Variants in TBCCD1 observed in about 807,000 individuals in gnomAD.
TBCCD1 encodes TBCC domain containing 1, also known as TBCC domain-containing protein 1.
In TBCCD1, 26 loss-of-function variants were observed where a neutral mutation model predicts 53.4. The ratio of observed to expected loss-of-function variants is 0.49; its 90% confidence interval spans 0.36 to 0.68. The LOEUF (loss-of-function observed/expected upper bound fraction) is 0.68. Among genes scored for constraint, TBCCD1 ranks in the 30% least tolerant of loss-of-function variants. TBCCD1 has a pLI of 0.00. For synonymous variants in TBCCD1, 245 were observed against 241.7 expected (o/e 1.01, Z -0.13); for missense variants, 558 against 669.5 (o/e 0.83, Z 1.84).
chr3:186,548,530 T>A (rs151083125), intron 7 of TBCCD1, among the ~76,000 whole-genome samples: 1 of 152,366 alleles, frequency 6.6e-6, no homozygotes, highest in African/African-American at 2.4e-5. Flanking sequence ...CATAATGTTA[T>A]GTGGTAATAT....
At chr3:186,558,865 C>T (rs1714616589) in intron 2 of TBCCD1, among the ~76,000 whole-genome samples, 2 of 152,156 alleles carry the variant, frequency 1.3e-5, no homozygotes, top group Non-Finnish European at 2.9e-5. Context: ...GCCTCTGCCT[C>T]CTGAGTAGCT....
chr3:186,562,179 T>A (rs1436973500), intron 2 of TBCCD1, among the ~76,000 whole-genome samples: 1 of 152,158 alleles, frequency 6.6e-6, no homozygotes, highest in Non-Finnish European at 1.5e-5. Flanking sequence ...CTGACCTCTA[T>A]GAAAAAAATA....
Position 186,547,454 on chromosome 3 carries a change from T to A in TBCCD1, c.*22-499A>T, listed in dbSNP as rs1004575089. ...ATTTTTTTGTAGAGACAGGGTCTCA[T>A]TATATTGCCCAGGCTGGTCTCAAAC... On this transcript the variant is annotated intron_variant, in intron 7 of 7. Coordinates refer to ENST00000338733, the MANE Select transcript of TBCCD1 (RefSeq NM_018138.5). Among the ~76,000 whole-genome samples the A allele has an allele frequency of 4.0e-5, 6 of 151,696 alleles. No homozygotes were observed. The South Asian group carries it at 1.0e-3, about 26-fold the overall frequency.
upstream of TBCCD1, among the ~76,000 whole-genome samples, chr3:186,569,056 A>G (rs1578979366): frequency 6.6e-6 from 1 of 152,142 alleles, no homozygotes; most frequent in Non-Finnish European, 1.5e-5. Context: ...CACCCATGCT[A>G]GCACATGAGG....
rs777386649 is a variant in TBCCD1 at position 186,554,333 on chromosome 3, C to T, written c.1465G>A (p.Val489Ile). ...TTEIPGGLPS[V>I]YQKALGQREQ... ...CTTTGACCCAGTGCTTTCTGATATA[C>T]AGATGGAAGACCCCCGGGTATCTCT... The change falls in exon 6 of 8, where the codon GTA (valine) becomes ATA (isoleucine). Residue 489 changes from valine to isoleucine, a missense_variant. Physicochemically the swap from Val to Ile is conservative, Grantham distance 29. Coordinates refer to ENST00000338733, the MANE Select transcript of TBCCD1 (RefSeq NM_018138.5). 8 of 1,614,238 alleles carry T rather than the reference C, an allele frequency of 5.0e-6. No individual in the cohort carries two copies. Among genetic ancestry groups the T allele is most frequent in the Non-Finnish European group, 5.9e-6 (7 of 1,180,042 alleles).
chr3:186,564,919 T>A (rs1714783751), intron 1 of TBCCD1, among the ~76,000 whole-genome samples: 1 of 152,176 alleles, frequency 6.6e-6, no homozygotes, highest in Non-Finnish European at 1.5e-5. Context: ...TTATTCTCTA[T>A]AACAGTGAAC....
rs773553046 is a variant in TBCCD1, at chr3:186,554,363, T to C, written c.1435A>G (p.Thr479Ala). 1 of 1,614,252 alleles carries C rather than the reference T, an allele frequency of 6.2e-7. No individual in the cohort carries two copies. Among genetic ancestry groups the C allele is most frequent in the Non-Finnish European group, 8.5e-7 (1 of 1,180,046 alleles). The change falls in exon 6 of 8, where the codon ACA becomes GCA. Residue 479 changes from threonine (T) to alanine (A), a missense_variant. Physicochemically the swap from Thr to Ala is moderately conservative, Grantham distance 58. Transcript: ENST00000338733. The stretch of plus-strand genomic sequence containing the variant: ...GGAAGACCCCCGGGTATCTCTGTTG[T>C]GTCCCCTTCCATTTCAAAGGGAATA... Reference protein sequence around the residue: ...FIIPFEMEGDTTEIPGGLPSV... With the variant: ...FIIPFEMEGDATEIPGGLPSV...
chr3:186,564,353 G>A lies in TBCCD1; in HGVS notation c.-24C>T. On this transcript the variant is annotated 5_prime_UTR_variant, in exon 2 of 8. Coordinates refer to ENST00000338733, the MANE Select transcript of TBCCD1 (RefSeq NM_018138.5). The stretch of plus-strand genomic sequence containing the variant: ...ATATTATCTCTAAGGACATCAGGGT[G>A]AAAAGGCTTCTTTGCATACCTAGGA... 6.4e-7 allele frequency: 1 copy of A among 1,559,416 alleles called. No individual in the cohort carries two copies. The highest frequency in any genetic ancestry group is 8.7e-7 in the Non-Finnish European group (1 of 1,151,462).
chr3:186,556,083 CTTCTT>C (rs899588736), intron 4 of TBCCD1, among the ~76,000 whole-genome samples: 2 of 152,070 alleles, frequency 1.3e-5, no homozygotes, highest in Non-Finnish European at 2.9e-5. Context: ...TATTATTCTT[CTTCTT>C]TTAAAACATT....
At position 186,556,786 on chromosome 3, in the gene TBCCD1, G is replaced by T. The variant is rs1003007498; in HGVS notation, c.493-11C>A. The T allele has an allele frequency of 6.2e-7, 1 of 1,601,862 alleles. No homozygotes were observed. Among genetic ancestry groups the T allele is most frequent in the Non-Finnish European group, 8.5e-7 (1 of 1,177,424 alleles). ...GTAATCATTCCAGTTCTAAAAAAAA[G>T]TTAAAAGAAAGCACTCTTAATAAAG... On this transcript the variant is annotated splice_polypyrimidine_tract_variant and intron_variant, in intron 3 of 7. Coordinates refer to ENST00000338733, the MANE Select transcript of TBCCD1 (RefSeq NM_018138.5).
chr3:186,551,442 C>T (rs1446739270), intron 6 of TBCCD1, among the ~76,000 whole-genome samples, 163 bp from the exon 7 acceptor site: 1 of 152,186 alleles, frequency 6.6e-6, no homozygotes, highest in Non-Finnish European at 1.5e-5. Flanking sequence ...ACCCCCACCC[C>T]ACAAAGGATT....
intron 2 of TBCCD1, among the ~76,000 whole-genome samples, chr3:186,560,767 T>A (rs1468014455): frequency 6.6e-6 from 1 of 152,230 alleles, no homozygotes; most frequent in African/African-American, 2.4e-5. Flanking sequence ...GTAGTCTTAG[T>A]TTATGTCAAA....
At position 186,546,508 on chromosome 3, in the gene TBCCD1, G is replaced by T. The variant is rs1235904107; in HGVS notation, c.*469C>A. 1.3e-5 allele frequency: 2 copies of T among 152,154 alleles called. No individual in the cohort carries two copies. Among genetic ancestry groups the T allele is most frequent in the South Asian group, 4.1e-4 (2 of 4,834 alleles). 9.4% of individuals were successfully genotyped at this position (152,154 alleles called of 1,614,324 possible). ...AAATTCGGCCTAAACAGTAATAAATGAAAATGGAATGGAAATCAAAGTTCT... is the reference window on the plus strand; with the variant it reads ...AAATTCGGCCTAAACAGTAATAAATTAAAATGGAATGGAAATCAAAGTTCT... On this transcript the variant is annotated 3_prime_UTR_variant, in exon 8 of 8. Coordinates refer to ENST00000338733, the MANE Select transcript of TBCCD1 (RefSeq NM_018138.5).
intron 3 of TBCCD1, among the ~76,000 whole-genome samples, chr3:186,557,169 T>G (rs1359851935): frequency 3.9e-5 from 6 of 152,198 alleles, no homozygotes; most frequent in Admixed American, 3.9e-4. Context: ...GGTCGTGCTG[T>G]AGTATAAACC....
rs149253186 is a variant in TBCCD1 at position 186,546,152 on chromosome 3, T to C, written c.*825A>G. ...AACAATTTCATTAAGTTCCATACTTTAAGGACTAAAATATAGTATAAAACT... is the reference window on the plus strand; with the variant it reads ...AACAATTTCATTAAGTTCCATACTTCAAGGACTAAAATATAGTATAAAACT... On this transcript the variant is annotated 3_prime_UTR_variant, in exon 8 of 8. Transcript: ENST00000338733. 4.1e-4 allele frequency: 63 copies of C among 152,336 alleles called. 2 individuals carry two copies. In the East Asian group the frequency reaches 0.011, roughly 27 times the overall value. 9.4% of individuals were successfully genotyped at this position (152,336 alleles called of 1,614,324 possible).
In TBCCD1 at chr3:186,564,381, CAA is replaced by C. The variant is rs1714770054; in HGVS notation, c.-43-11_-43-10del. On this transcript the variant is annotated splice_polypyrimidine_tract_variant and intron_variant, in intron 1 of 7. Transcript: ENST00000338733. ...AAGGCTTCTTTGCATACCTAGGAAA[CAA>C]AGTTTCTTCATAAACTGATTTGAAA... 2 of 1,505,074 alleles carry C rather than the reference CAA, an allele frequency of 1.3e-6. No homozygotes were observed. The highest frequency in any genetic ancestry group is 2.6e-5 in the South Asian group (2 of 76,532). 93.2% of individuals were successfully genotyped at this position (1,505,074 alleles called of 1,614,324 possible).
At chr3:186,561,518 G>A (rs552566401) in intron 2 of TBCCD1, among the ~76,000 whole-genome samples, 121 of 152,292 alleles carry the variant, frequency 7.9e-4, no homozygotes, top group Non-Finnish European at 1.0e-3. Context: ...GGCCGGGCGC[G>A]GTGGCTCACG....
rs1714534269 is a variant in TBCCD1 at position 186,556,169 on chromosome 3, AG to A, written c.859+239del. 2.6e-5 allele frequency among the ~76,000 whole-genome samples: 4 copies of A among 152,336 alleles called. No individual in the cohort carries two copies. The South Asian group carries it at 8.3e-4, about 32-fold the overall frequency. On this transcript the variant is annotated intron_variant, in intron 4 of 7. Transcript: ENST00000338733. ...CCAGGTACATAATATATGGTTATTT[AG>A]AAAAATAACAGTAAAAGAAGATAAA...
upstream of TBCCD1, among the ~76,000 whole-genome samples, chr3:186,569,616 G>A (rs1041386098): frequency 2.0e-4 from 29 of 143,556 alleles, no homozygotes; most frequent in African/African-American, 1.4e-4. Context: ...GAGCCACCGC[G>A]CCCGGGCTTT....
Sources: gnomAD v4.1 joint callset for allele counts (sites outside exome capture counted in the v4.1 genomes callset) on GRCh38, gnomAD v4.1.1 for gene constraint, MANE v1.5 for transcripts, NCBI Gene and HGNC (gene_info 2026-07-23, HGNC 2026-07-21) for gene names.